RBM45: variants seen among roughly 807,000 people sequenced by gnomAD.
RBM45 encodes RNA binding motif protein 45.
RBM45 carries 39 observed loss-of-function variants against 58.5 expected under a neutral mutation model. The ratio of observed to expected loss-of-function variants is 0.67; its 90% CI spans 0.52 to 0.87. The LOEUF (loss-of-function observed/expected upper bound fraction) is 0.87. RBM45 is among the 40% of genes least tolerant of loss of function. RBM45 has a pLI of 0.00. For missense variants in RBM45, 481 were observed against 581.6 expected (o/e 0.83, Z 1.78); for synonymous variants, 193 against 203.0 (o/e 0.95, Z 0.42).
chr2:178,117,451 T>C (rs762937651), intron 2 of RBM45, among the ~76,000 whole-genome samples: 34 of 152,222 alleles, frequency 2.2e-4, no homozygotes, highest in Non-Finnish European at 3.8e-4. Context: ...CTACTGCATG[T>C]TTCTCAGAAT....
At position 178,126,153 on chromosome 2, in the gene RBM45, A is replaced by T. The variant is rs753226162; in HGVS notation, c.1402A>T (p.Asn468Tyr). The T allele has an allele frequency of 1.2e-6, 2 of 1,613,918 alleles. No individual in the cohort carries two copies. Residue 468 changes from asparagine (N) to tyrosine (Y), a missense_variant, in exon 9 of 10, where the codon AAC becomes TAC. Coordinates refer to ENST00000286070, the MANE Select transcript of RBM45 (RefSeq NM_152945.4). ...MLADSPREES[N>Y]KRQRTY The stretch of plus-strand genomic sequence containing the variant: ...GGCAGATTCGCCAAGAGAAGAATCT[A>T]ACAAACGGCAAAGAACTTACTGATT...
intron 3 of RBM45, among the ~76,000 whole-genome samples, chr2:178,118,886 C>T (rs888382112): frequency 6.6e-6 from 1 of 152,104 alleles, no homozygotes; most frequent in Non-Finnish European, 1.5e-5. Flanking sequence ...AAGGTACATA[C>T]CCAGATTTTC....
chr2:178,134,831 C>A (rs1442326055), intron 3 of RBM45, among the ~76,000 whole-genome samples: 10 of 151,860 alleles, frequency 6.6e-5, no homozygotes, highest in Admixed American at 6.6e-4. Context: ...GTCTCTACTA[C>A]AAAAAAATTA....
chr2:178,137,930 A>G (rs1283337900), exon 4 of RBM45: 1 of 152,168 alleles, frequency 6.6e-6, no homozygotes, highest in Non-Finnish European at 1.5e-5. Context: ...GTGCTTATAG[A>G]ACAAAAAATA....
chr2:178,127,767 C>G (rs189174447), intron 9 of RBM45, among the ~76,000 whole-genome samples: 45 of 152,120 alleles, frequency 3.0e-4, no homozygotes, highest in African/African-American at 8.0e-4. Context: ...TGTGTTTTTT[C>G]TAGTCTGTGA....
chr2:178,115,118 G>C (rs1267712693), intron 1 of RBM45, among the ~76,000 whole-genome samples: 1 of 152,146 alleles, frequency 6.6e-6, no homozygotes, highest in African/African-American at 2.4e-5. Context: ...TGGCGGAAAG[G>C]GGGAAACCTA....
intron 3 of RBM45, among the ~76,000 whole-genome samples, chr2:178,136,285 G>C (rs188879330): frequency 1.6e-4 from 25 of 152,332 alleles, no homozygotes; most frequent in Admixed American, 1.5e-3. Context: ...ACTCCAGCCT[G>C]AGCGACAGAG....
chr2:178,115,842 G>C (rs1377167202), intron 1 of RBM45, among the ~76,000 whole-genome samples: 3 of 152,026 alleles, frequency 2.0e-5, no homozygotes, highest in Non-Finnish European at 4.4e-5. Context: ...GCAGAGATTG[G>C]TATTATCTCA....
intron 3 of RBM45, among the ~76,000 whole-genome samples, chr2:178,118,623 T>TAA (rs2087808949): frequency 1.3e-5 from 2 of 152,122 alleles, no homozygotes; most frequent in African/African-American, 4.8e-5. Flanking sequence ...CTAACATAGG[T>TAA]AACTGATATA....
At chr2:178,113,303 A>G (rs894202155) in intron 1 of RBM45, among the ~76,000 whole-genome samples, 5 of 57,154 alleles carry the variant, frequency 8.7e-5, no homozygotes, top group Admixed American at 2.1e-4. Context: ...ACAACTTGAC[A>G]GAAGTACTTT....
chr2:178,120,341 A>G lies in RBM45; in HGVS notation c.605A>G (p.Gln202Arg). The G allele has an allele frequency of 1.2e-6, 2 of 1,613,380 alleles. No individual in the cohort carries two copies. Among genetic ancestry groups the G allele is most frequent in the South Asian group, 2.2e-5 (2 of 91,022 alleles). The change falls in exon 4 of 10, where the codon CAA (glutamine) becomes CGA (arginine). Residue 202 changes from glutamine (Q) to arginine (R), a missense_variant. Transcript: ENST00000286070. ...AATAAAGCATCTGAATCCTCTGAAC[A>G]AGATTATTATAGTAATATGAGGCAA... is the stretch of plus-strand genomic sequence containing the variant. ...PKNKASESSE[Q>R]DYYSNMRQEA...
intron 5 of RBM45, 82 bp downstream of exon 5, chr2:178,121,441 C>T (rs1168433307): frequency 5.3e-6 from 3 of 566,740 alleles, no homozygotes; most frequent in Non-Finnish European, 7.5e-6. Context: ...CACACACACA[C>T]ACAGAGTTTT....
At chr2:178,113,965 C>G (rs2087737285) in intron 1 of RBM45, among the ~76,000 whole-genome samples, 1 of 152,128 alleles carries the variant, frequency 6.6e-6, no homozygotes, top group Admixed American at 6.5e-5. Flanking sequence ...AGAGAAGGAG[C>G]CTGGGACTCT....
At chr2:178,134,570 G>GTT (rs67918616), downstream of RBM45, among the ~76,000 whole-genome samples, 147 of 149,292 alleles carry the variant, frequency 9.8e-4, no homozygotes, top group Middle Eastern at 0.014. Context: ...TGCTTGCTCT[G>GTT]TTTTTTTTTG....
chr2:178,124,288 C>T lies in RBM45; in HGVS notation c.1230C>T (p.Phe410=), dbSNP rs762618263. ...CTTTAGACGTATTAGAAGATATATT[C>T]TGGTAAGAAAGTTACATTTTTTGTT... The part of the protein sequence containing the change: ...PLPLDVLEDI[F]CRFGNLIEVY... Residue 410 remains phenylalanine (F), a splice_region_variant and synonymous_variant, in exon 8 of 10, where the codon TTC becomes TTT. Coordinates refer to ENST00000286070, the MANE Select transcript of RBM45 (RefSeq NM_152945.4). 6.6e-7 allele frequency: 1 copy of T among 1,518,486 alleles called. No homozygotes were observed. The highest frequency in any genetic ancestry group is 2.3e-5 in the East Asian group (1 of 43,950). 94.1% of individuals were successfully genotyped at this position (1,518,486 alleles called of 1,614,324 possible).
Position 178,121,219 on chromosome 2 carries a change from G to A in RBM45, c.713G>A (p.Ser238Asn), listed in dbSNP as rs757775793. Residue 238 changes from serine (S) to asparagine (N), a missense_variant, in exon 5 of 10, where the codon AGC (serine) becomes AAC (asparagine). By Grantham distance (46) the Ser-to-Asn change is conservative (BLOSUM62 1). Coordinates refer to ENST00000286070, the MANE Select transcript of RBM45 (RefSeq NM_152945.4). ...SEFSSFDKND[S>N]RGQEAISKRL... Reference sequence around the variant, plus strand: ...TTTTCAAGTTTTGACAAGAATGATAGCCGAGGCCAGGAAGCAATCTCCAAA... The same window carrying A: ...TTTTCAAGTTTTGACAAGAATGATAACCGAGGCCAGGAAGCAATCTCCAAA... 1.3e-6 allele frequency: 2 copies of A among 1,580,964 alleles called. No individual in the cohort carries two copies. Among genetic ancestry groups the A allele is most frequent in the East Asian group, 2.3e-5 (1 of 43,800 alleles).
At chr2:178,120,200 T>C in intron 3 of RBM45, 87 bp from the exon 4 acceptor site, 1 of 1,541,490 alleles carries the variant, frequency 6.5e-7, no homozygotes, top group Non-Finnish European at 8.9e-7. Context: ...ATTATATTTA[T>C]AAAGCTGAGT....
At chr2:178,131,354 T>C (rs2088002989), downstream of RBM45, among the ~76,000 whole-genome samples, 1 of 152,242 alleles carries the variant, frequency 6.6e-6, no homozygotes, top group Non-Finnish European at 1.5e-5. Flanking sequence ...AGGAGCTCTC[T>C]ACCTCCTACC....
intron 1 of RBM45, among the ~76,000 whole-genome samples, chr2:178,114,777 C>T (rs919086201): frequency 9.5e-4 from 145 of 151,844 alleles, no homozygotes; most frequent in South Asian, 6.2e-4. Flanking sequence ...TTTTATTTTT[C>T]TTAGAGACAG....
Sources: allele counts gnomAD v4.1 joint callset (sites outside exome capture counted in the v4.1 genomes callset), GRCh38; gene constraint gnomAD v4.1.1; transcripts MANE v1.5; gene names NCBI Gene and HGNC (gene_info 2026-07-23, HGNC 2026-07-21).